The following SVEP1 variants were observed in gnomAD, a reference collection of about 807,000 sequenced individuals.
SVEP1 encodes the protein sushi, von Willebrand factor type A, EGF and pentraxin domain-containing protein 1.
Under a neutral mutation model 367.3 loss-of-function variants are expected in SVEP1, and 164 were observed. The observed-to-expected ratio is 0.45, with a 90% CI of 0.39 to 0.51. The LOEUF (loss-of-function observed/expected upper bound fraction) is 0.51, where lower values mean the gene tolerates loss of function less well. Ranked by LOEUF, SVEP1 falls within the 20% of genes least tolerant of loss-of-function variation. The pLI, the probability that SVEP1 is intolerant of heterozygous loss-of-function variation, is 0.00. For missense variants in SVEP1, 4,117 were observed against 4,425.3 expected (o/e 0.93, Z 1.98); for synonymous variants, 1,666 against 1,611.6 (o/e 1.03, Z -0.81).
rs150945057 is a variant in SVEP1 at position 110,479,832 on chromosome 9, T to G, written c.2366-76A>C. ...AAGATTTGACTTTCTATGAAATAAT[T>G]GAAACAATGTTTTAATTCTAACATA... is the stretch of plus-strand genomic sequence containing the variant. On this transcript the variant is annotated intron_variant, in intron 12 of 47. Coordinates refer to ENST00000374469, the MANE Select transcript of SVEP1 (RefSeq NM_153366.4). 1.4e-4 allele frequency: 213 copies of G among 1,535,274 alleles called. 2 individuals carry two copies. In the Middle Eastern group the frequency reaches 3.1e-3, roughly 22 times the overall value.
At position 110,503,046 on chromosome 9, in the gene SVEP1, C is replaced by T. The variant is rs117475463; in HGVS notation, c.1475G>A (p.Arg492Gln). The part of the protein sequence containing the change: ...GNSQWDGPEP[R>Q]CVERHCSTFQ... ...ACCTTCTAGAAACTTACCCACACAC[C>T]GGGGTTCTGGCCCATCCCACTGGCT... is the stretch of plus-strand genomic sequence containing the variant. Residue 492 changes from arginine (R) to glutamine (Q), a missense_variant, in exon 6 of 48, where the codon CGG becomes CAG. Coordinates refer to ENST00000374469, the MANE Select transcript of SVEP1 (RefSeq NM_153366.4). 12,359 of 1,610,948 alleles carry T rather than the reference C, an allele frequency of 7.7e-3. 47 individuals carry two copies. The highest frequency in any genetic ancestry group is 0.012 in the African/African-American group (929 of 74,916).
intron 36 of SVEP1, among the ~76,000 whole-genome samples, chr9:110,426,422 T>C (rs1360297851): frequency 6.6e-6 from 1 of 152,162 alleles, no homozygotes; most frequent in Non-Finnish European, 1.5e-5. Flanking sequence ...ATTTTATTTC[T>C]CACAATATCC....
chr9:110,385,201 G>C (rs892256523), intron 43 of SVEP1, among the ~76,000 whole-genome samples: 1 of 152,080 alleles, frequency 6.6e-6, no homozygotes, highest in Non-Finnish European at 1.5e-5. Flanking sequence ...GGCTGGTCTT[G>C]AACTCCTGAC....
intron 26 of SVEP1, among the ~76,000 whole-genome samples, chr9:110,445,159 G>C (rs763762187): frequency 4.9e-4 from 74 of 152,176 alleles, no homozygotes; most frequent in Non-Finnish European, 1.0e-4. Flanking sequence ...TGGTTTTAAA[G>C]GGACCACAAA....
chr9:110,424,512 A>G (rs1012933749), intron 36 of SVEP1, among the ~76,000 whole-genome samples: 8 of 152,232 alleles, frequency 5.3e-5, no homozygotes, highest in African/African-American at 1.9e-4. Flanking sequence ...TTTGAGGAGC[A>G]TAGATGAGTG....
chr9:110,481,157 C>T lies in SVEP1; in HGVS notation c.2365+85G>A, dbSNP rs1265067311. On this transcript the variant is annotated intron_variant, in intron 12 of 47. Transcript: ENST00000374469. ...GGCACCATTTTCCATTAATTCCTAT[C>T]GTAAGGCAATTTTCCTCTTTAACAC... is the stretch of plus-strand genomic sequence containing the variant. The T allele has an allele frequency of 7.5e-6, 8 of 1,061,526 alleles. No homozygotes were observed. The East Asian group carries it at 8.9e-5, about 12-fold the overall frequency. The allele number at this position is 1,061,526 out of a possible 1,614,324, so 65.8% of individuals were successfully genotyped here. A position where few individuals can be genotyped will look rare whatever the true frequency, so the allele number is the denominator to read the frequency against.
chr9:110,381,834 A>C (rs1827443080), intron 43 of SVEP1, among the ~76,000 whole-genome samples: 1 of 151,868 alleles, frequency 6.6e-6, no homozygotes, highest in African/African-American at 2.4e-5. Flanking sequence ...GACTCTTTGT[A>C]AGTCTCTAAG....
At chr9:110,576,227 T>TCACACACACACA (rs57822772) in intron 1 of SVEP1, among the ~76,000 whole-genome samples, 4 of 149,912 alleles carry the variant, frequency 2.7e-5, no homozygotes, top group East Asian at 1.9e-4. Context: ...ATAGGTAGTC[T>TCACACACACACA]CACACACACA....
At chr9:110,512,228 G>A (rs757997311) in intron 5 of SVEP1, among the ~76,000 whole-genome samples, 30 of 152,150 alleles carry the variant, frequency 2.0e-4, no homozygotes, top group Admixed American at 2.0e-4. Context: ...CCCTTTGCTC[G>A]CCCCCCTTTT....
At chr9:110,490,757 T>C (rs1264135889) in intron 8 of SVEP1, among the ~76,000 whole-genome samples, 2 of 152,128 alleles carry the variant, frequency 1.3e-5, no homozygotes, top group Non-Finnish European at 2.9e-5. Flanking sequence ...TTAAATATCA[T>C]CAATTTTTGG....
Position 110,411,325 on chromosome 9 carries a change from C to T in SVEP1, c.6386G>A (p.Gly2129Asp), listed in dbSNP as rs367598626. ...NTSAKIECMR[G>D]GQWNPSPMSI... is the part of the protein sequence containing the mutation. The stretch of plus-strand genomic sequence containing the variant: ...CATGGGGGAAGGGTTCCACTGCCCA[C>T]CTCTCATACATTCAATCTTTGCTGA... The change falls in exon 37 of 48, where the codon GGT becomes GAT. Residue 2129 changes from glycine (G) to aspartate (D), a missense_variant. Physicochemically the swap from Gly to Asp is moderately conservative, Grantham distance 94. This residue lies in a region of SVEP1 where 1,765 missense variants were observed against 1,781.1 expected (regional missense o/e 0.99). Coordinates refer to ENST00000374469, the MANE Select transcript of SVEP1 (RefSeq NM_153366.4). 6.2e-7 allele frequency: 1 copy of T among 1,614,030 alleles called. No individual in the cohort carries two copies. Among genetic ancestry groups the T allele is most frequent in the Non-Finnish European group, 8.5e-7 (1 of 1,179,894 alleles).
At chr9:110,505,232 G>C (rs1333791681) in intron 5 of SVEP1, among the ~76,000 whole-genome samples, 1 of 152,094 alleles carries the variant, frequency 6.6e-6, no homozygotes. Context: ...TGTGTTCTGA[G>C]TTTTCCTGGT....
intron 47 of SVEP1, 122 bp from the exon 48 acceptor site, chr9:110,366,682 G>A (rs78535835): frequency 4.3e-6 from 4 of 936,504 alleles, no homozygotes; most frequent in African/African-American, 3.3e-5. Context: ...GGCATTATCT[G>A]TGATGTTTAT....
chr9:110,470,260 T>C (rs1426729623), intron 16 of SVEP1, among the ~76,000 whole-genome samples: 1 of 152,006 alleles, frequency 6.6e-6, no homozygotes, highest in African/African-American at 2.4e-5. Flanking sequence ...GATGAAAATG[T>C]TTTGGGAAGA....
At chr9:110,461,966 G>T (rs529763540) in intron 18 of SVEP1, among the ~76,000 whole-genome samples, 1 of 152,012 alleles carries the variant, frequency 6.6e-6, no homozygotes, top group Admixed American at 6.6e-5. Context: ...TCAAGTTTCC[G>T]AGAGTGACTG....
intron 26 of SVEP1, among the ~76,000 whole-genome samples, chr9:110,443,941 T>G (rs1828553160): frequency 6.6e-6 from 1 of 152,204 alleles, no homozygotes; most frequent in Non-Finnish European, 1.5e-5. Context: ...GGTTTGTGTT[T>G]CTTAAACACT....
intron 29 of SVEP1, 82 bp downstream of exon 29, chr9:110,435,159 G>A (rs777000362): frequency 1.3e-6 from 2 of 1,502,010 alleles, no homozygotes; most frequent in Non-Finnish European, 1.8e-6. Flanking sequence ...GACCGATAGA[G>A]AATTCTGAAC....
chr9:110,371,647 G>T (rs182875649), intron 46 of SVEP1, among the ~76,000 whole-genome samples: 39 of 152,124 alleles, frequency 2.6e-4, no homozygotes, highest in African/African-American at 9.2e-4. Context: ...GCTTCTCCTG[G>T]CTTCTCTATC....
At chr9:110,494,240 C>A (rs1365613421) in intron 8 of SVEP1, among the ~76,000 whole-genome samples, 1 of 152,160 alleles carries the variant, frequency 6.6e-6, no homozygotes, top group Non-Finnish European at 1.5e-5. Context: ...CCAGCCCTGA[C>A]CCTAGAGAGG....
Sources: allele counts gnomAD v4.1 joint callset (sites outside exome capture counted in the v4.1 genomes callset), GRCh38; gene constraint gnomAD v4.1.1; regional missense constraint gnomAD v4.1.1; transcripts MANE v1.5; gene names NCBI Gene and HGNC (gene_info 2026-07-23, HGNC 2026-07-21).